GAP43: variants seen among roughly 807,000 people sequenced by gnomAD.
The protein encoded by GAP43 is growth associated protein 43, also known as neuromodulin.
A neutral mutation model predicts 18.6 loss-of-function variants in GAP43; 6 were observed. The ratio of observed to expected loss-of-function variants is 0.32; its 90% confidence interval spans 0.18 to 0.64. The LOEUF is 0.64. Among genes scored for constraint, GAP43 ranks in the 30% least tolerant of loss-of-function variants. The pLI is 0.78. For synonymous variants in GAP43, 115 were observed against 111.4 expected (o/e 1.03, Z -0.20); for missense variants, 292 against 295.5 (o/e 0.99, Z 0.09).
intron 1 of GAP43, among the ~76,000 whole-genome samples, chr3:115,643,560 T>C (rs1230192564): frequency 6.6e-6 from 1 of 152,090 alleles, no homozygotes; most frequent in Non-Finnish European, 1.5e-5. Context: ...TTGCACTCAC[T>C]GTTCTGTCTG....
chr3:115,648,539 T>G (rs1387392807), intron 1 of GAP43, among the ~76,000 whole-genome samples: 1 of 152,126 alleles, frequency 6.6e-6, no homozygotes, highest in Non-Finnish European at 1.5e-5. Flanking sequence ...AAGGAAGAAC[T>G]GATTTGGTGA....
At chr3:115,645,379 C>G (rs972660125) in intron 1 of GAP43, among the ~76,000 whole-genome samples, 1 of 151,900 alleles carries the variant, frequency 6.6e-6, no homozygotes, top group Non-Finnish European at 1.5e-5. Flanking sequence ...AGTAGTGAGG[C>G]CCAACCAACT....
chr3:115,690,616 G>A (rs969382267), intron 2 of GAP43, among the ~76,000 whole-genome samples: 1 of 151,940 alleles, frequency 6.6e-6, no homozygotes, highest in Non-Finnish European at 1.5e-5. Flanking sequence ...TAAAGAACCA[G>A]GTATAGAGTA....
At chr3:115,714,934 C>G (rs1003740962) in intron 2 of GAP43, among the ~76,000 whole-genome samples, 1 of 151,922 alleles carries the variant, frequency 6.6e-6, no homozygotes, top group African/African-American at 2.4e-5. Flanking sequence ...TAATAAAATA[C>G]CATAAACTAG....
chr3:115,644,741 A>G lies in GAP43; in HGVS notation c.30+21022A>G, dbSNP rs1014180352. Among the ~76,000 whole-genome samples, 2 of 152,038 alleles carry G rather than the reference A, an allele frequency of 1.3e-5. No individual in the cohort carries two copies. Among genetic ancestry groups the G allele is most frequent in the Non-Finnish European group, 2.9e-5 (2 of 67,948 alleles). ...TGAAAACATTCCAGAAGAAAATTTG[A>G]TTTGTGGGAATTGAAGGATAAAATG... On this transcript the variant is annotated intron_variant, in intron 1 of 2. Coordinates refer to ENST00000305124, the MANE Select transcript of GAP43 (RefSeq NM_002045.4). This position sits in a 1 kb window ranked among gnomAD's most constrained non-coding sequence, Gnocchi z 4.2.
intron 1 of GAP43, among the ~76,000 whole-genome samples, chr3:115,661,519 C>T (rs1295087257): frequency 2.6e-5 from 4 of 152,092 alleles, no homozygotes; most frequent in Admixed American, 6.5e-5. Flanking sequence ...AGAGGAATCT[C>T]GCTCTGTCGC....
chr3:115,720,149 TG>T (rs1284030219), intron 2 of GAP43, among the ~76,000 whole-genome samples: 1 of 152,156 alleles, frequency 6.6e-6, no homozygotes, highest in East Asian at 1.9e-4. Context: ...TTTTTCTTTT[TG>T]CTCCACCATC....
chr3:115,710,187 A>C (rs966417675), intron 2 of GAP43, among the ~76,000 whole-genome samples: 4 of 152,130 alleles, frequency 2.6e-5, no homozygotes, highest in Admixed American at 6.6e-5. Context: ...TAGAAATTGA[A>C]AGTTTCCCAA....
intron 1 of GAP43, among the ~76,000 whole-genome samples, chr3:115,642,167 C>A (rs1708405536): frequency 6.6e-6 from 1 of 152,038 alleles, no homozygotes; most frequent in Non-Finnish European, 1.5e-5. Flanking sequence ...GTTAACTCAG[C>A]ATTTATGTGA....
chr3:115,666,415 C>T (rs898222118), intron 1 of GAP43, among the ~76,000 whole-genome samples: 31 of 152,140 alleles, frequency 2.0e-4, no homozygotes, highest in Non-Finnish European at 4.1e-4. Context: ...AGTCTCATGA[C>T]CAAATCTCCT....
chr3:115,663,607 C>T lies in GAP43; in HGVS notation c.31-12406C>T, dbSNP rs1186846255. Reference sequence around the variant, plus strand: ...CAAAATCTTCACAAGGAAAATGAGTCACAGCATCACCTGGGTGACGAGGTC... The same window carrying T: ...CAAAATCTTCACAAGGAAAATGAGTTACAGCATCACCTGGGTGACGAGGTC... On this transcript the variant is annotated intron_variant, in intron 1 of 2. Coordinates refer to ENST00000305124, the MANE Select transcript of GAP43 (RefSeq NM_002045.4). 6 of 1,312,460 alleles carry T rather than the reference C, an allele frequency of 4.6e-6. No individual in the cohort carries two copies. In the African/African-American group the frequency reaches 7.6e-5, roughly 17 times the overall value. 81.3% of individuals were successfully genotyped at this position (1,312,460 alleles called of 1,614,324 possible). A position where few individuals can be genotyped will look rare whatever the true frequency, so the allele number is the denominator to read the frequency against.
intron 2 of GAP43, among the ~76,000 whole-genome samples, chr3:115,702,332 T>C (rs1270211960): frequency 2.6e-5 from 4 of 152,000 alleles, no homozygotes; most frequent in African/African-American, 9.7e-5. Flanking sequence ...ATTGAAGTCA[T>C]TAGAGGGAAT....
intron 2 of GAP43, among the ~76,000 whole-genome samples, chr3:115,712,360 G>A (rs283367): frequency 0.45 from 67,617 of 151,916 alleles, 15,647 homozygotes; most frequent in African/African-American, 0.56. Context: ...AGGGGAGAAG[G>A]TCTCTTAATC....
intron 1 of GAP43, among the ~76,000 whole-genome samples, chr3:115,625,206 C>CATAAATAAATAA (rs112440898): frequency 0.064 from 9,138 of 143,374 alleles, 375 homozygotes; most frequent in Non-Finnish European, 0.086. Flanking sequence ...AGAGATTTGG[C>CATAAATAAATAA]ATAAATAAAT....
chr3:115,632,231 T>C (rs932862601), intron 1 of GAP43, among the ~76,000 whole-genome samples: 4 of 151,760 alleles, frequency 2.6e-5, no homozygotes, highest in African/African-American at 9.7e-5. Context: ...CTCACATCCA[T>C]CACATGAGGG....
chr3:115,691,369 G>T (rs1315052720), intron 2 of GAP43, among the ~76,000 whole-genome samples: 1 of 152,164 alleles, frequency 6.6e-6, no homozygotes, highest in African/African-American at 2.4e-5. Flanking sequence ...ATCTATGTTT[G>T]AATCAAAGGT....
At chr3:115,688,618 G>A (rs374101313) in intron 2 of GAP43, among the ~76,000 whole-genome samples, 10 of 152,106 alleles carry the variant, frequency 6.6e-5, no homozygotes, top group Non-Finnish European at 1.2e-4. Context: ...GTTGAAGCAC[G>A]TGCCCCAAAA....
chr3:115,677,953 G>A (rs890102464), intron 2 of GAP43, among the ~76,000 whole-genome samples: 4 of 152,178 alleles, frequency 2.6e-5, no homozygotes, highest in African/African-American at 9.7e-5. Context: ...TGAATATGAT[G>A]CCAGATTATA....
At chr3:115,720,449 A>G (rs1709563606) in intron 2 of GAP43, among the ~76,000 whole-genome samples, 1 of 152,202 alleles carries the variant, frequency 6.6e-6, no homozygotes, top group Admixed American at 6.5e-5. Flanking sequence ...TAGAACAGCA[A>G]TACAAGATTG....
Sources: allele counts gnomAD v4.1 joint callset (sites outside exome capture counted in the v4.1 genomes callset), GRCh38; gene constraint gnomAD v4.1.1; non-coding constraint Gnocchi (gnomAD v3.1); transcripts MANE v1.5; gene names NCBI Gene and HGNC (gene_info 2026-07-23, HGNC 2026-07-21).